SIM1: variants seen among roughly 807,000 people sequenced by gnomAD.
SIM1 encodes the protein SIM bHLH transcription factor 1.
Under a neutral mutation model 78.2 loss-of-function variants are expected in SIM1, and 18 were observed. The observed-to-expected ratio is 0.23, with a 90% CI of 0.16 to 0.34. The LOEUF is 0.34. SIM1 is among the 10% of genes least tolerant of loss of function. SIM1 has a pLI of 1.00. For synonymous variants in SIM1, 417 were observed against 385.2 expected, an observed-to-expected ratio of 1.08 and a Z score of -0.97; for missense variants, 939 against 975.1, an observed-to-expected ratio of 0.96 and a Z score of 0.49.
intron 11 of SIM1, among the ~76,000 whole-genome samples, chr6:100,391,650 G>T (rs574102332): frequency 1.3e-5 from 2 of 152,058 alleles, no homozygotes; most frequent in Non-Finnish European, 2.9e-5. Context: ...TCTTAAGTAC[G>T]GTTACAATAA....
chr6:100,453,669 TG>T, intron 3 of SIM1, 92 bp downstream of exon 3: 3 of 957,074 alleles, frequency 3.1e-6, no homozygotes, highest in Non-Finnish European at 3.1e-6. Flanking sequence ...GTTTTTTTTT[TG>T]TTTTTGTTTT....
chr6:100,436,217 C>A (rs1032091321), intron 9 of SIM1, among the ~76,000 whole-genome samples: 8 of 152,140 alleles, frequency 5.3e-5, no homozygotes, highest in African/African-American at 1.9e-4. Flanking sequence ...TACCAGCAAG[C>A]CCACAGGGAA....
chr6:100,416,476 CTA>C (rs747636014), intron 10 of SIM1, among the ~76,000 whole-genome samples: 1 of 152,146 alleles, frequency 6.6e-6, no homozygotes. Flanking sequence ...AGACATTACC[CTA>C]TGAGTCCAAT....
intron 9 of SIM1, among the ~76,000 whole-genome samples, chr6:100,425,488 A>G (rs1193909649): frequency 1.3e-5 from 2 of 152,156 alleles, no homozygotes; most frequent in Non-Finnish European, 2.9e-5. Flanking sequence ...CAAAACTCCA[A>G]CAGCTCAAAA....
At chr6:100,454,472 C>T (rs1772595798) in intron 2 of SIM1, among the ~76,000 whole-genome samples, 1 of 152,190 alleles carries the variant, frequency 6.6e-6, no homozygotes, top group Admixed American at 6.5e-5. Context: ...TTCATTTCCC[C>T]TCCTAGCCCT....
chr6:100,408,256 A>G (rs1771099859), intron 10 of SIM1, among the ~76,000 whole-genome samples: 1 of 152,038 alleles, frequency 6.6e-6, no homozygotes, highest in African/African-American at 2.4e-5. Flanking sequence ...AGTTGATCAT[A>G]TATATGTGGG....
At chr6:100,402,041 T>C (rs771176863) in intron 10 of SIM1, among the ~76,000 whole-genome samples, 1 of 152,166 alleles carries the variant, frequency 6.6e-6, no homozygotes, top group Non-Finnish European at 1.5e-5. Context: ...ATTTGTAGAA[T>C]AGGAACAGAC....
rs1421452803 is a variant in SIM1, at chr6:100,450,696, T to TCTCTCA, written c.259-341_259-340insTGAGAG. On this transcript the variant is annotated intron_variant, in intron 3 of 11. Coordinates refer to ENST00000369208, the MANE Select transcript of SIM1 (RefSeq NM_005068.3). Reference sequence around the variant, plus strand: ...CTCTCTCTCTCTCTCTCTCTCTCTCTCACACACACACACACACACACACAC... The same window carrying TCTCTCA: ...CTCTCTCTCTCTCTCTCTCTCTCTCTCTCTCACACACACACACACACACACACACAC... 5.3e-3 allele frequency among the ~76,000 whole-genome samples: 483 copies of TCTCTCA among 91,914 alleles called. 1 individual carries two copies. The highest frequency in any genetic ancestry group is 5.9e-3 in the Non-Finnish European group (267 of 45,458). 60.3% of individuals were successfully genotyped at this position (91,914 alleles called of 152,430 possible). A position where few individuals can be genotyped will look rare whatever the true frequency, so the allele number is the denominator to read the frequency against.
At chr6:100,419,357 T>C (rs1337176373) in intron 10 of SIM1, among the ~76,000 whole-genome samples, 1 of 152,096 alleles carries the variant, frequency 6.6e-6, no homozygotes, top group Non-Finnish European at 1.5e-5. Flanking sequence ...GTGACATAAG[T>C]CTCTTAGAGG....
intron 9 of SIM1, among the ~76,000 whole-genome samples, chr6:100,422,836 G>C (rs1771631164): frequency 6.6e-6 from 1 of 152,020 alleles, no homozygotes; most frequent in Non-Finnish European, 1.5e-5. Context: ...ATTTAAAATG[G>C]ACAAAATATA....
At chr6:100,409,675 A>G (rs2114486420) in intron 10 of SIM1, among the ~76,000 whole-genome samples, 1 of 152,172 alleles carries the variant, frequency 6.6e-6, no homozygotes, top group South Asian at 2.1e-4. Flanking sequence ...GTGTTTATAC[A>G]CTTTCCTATT....
At chr6:100,447,214 C>G in intron 9 of SIM1, 54 bp downstream of exon 9, 2 of 1,580,684 alleles carry the variant, frequency 1.3e-6, no homozygotes, top group Non-Finnish European at 1.7e-6. Context: ...CCCGCACTCT[C>G]GCAGAGAGCA....
intron 6 of SIM1, among the ~76,000 whole-genome samples, chr6:100,448,945 C>T (rs977304135): frequency 1.3e-5 from 2 of 152,150 alleles, no homozygotes; most frequent in African/African-American, 4.8e-5. Context: ...GAAGTAGGTC[C>T]CTGAAACCTG....
Position 100,463,611 on chromosome 6 carries a change from A to G in SIM1, c.-143T>C. The G allele has an allele frequency of 1.3e-6, 1 of 762,134 alleles. No individual in the cohort carries two copies. Among genetic ancestry groups the G allele is most frequent in the East Asian group, 2.5e-5 (1 of 40,174 alleles). 47.2% of individuals were successfully genotyped at this position (762,134 alleles called of 1,614,324 possible). Reference sequence around the variant, plus strand: ...AGAGGCTGAAGTATTTGCACCAAGAACAGTGTATTGATGGCAGTAAAAGAC... The same window carrying G: ...AGAGGCTGAAGTATTTGCACCAAGAGCAGTGTATTGATGGCAGTAAAAGAC... On this transcript the variant is annotated 5_prime_UTR_variant, in exon 2 of 12. Transcript: ENST00000369208.
At chr6:100,404,595 TC>T (rs1771007841) in intron 10 of SIM1, among the ~76,000 whole-genome samples, 1 of 152,194 alleles carries the variant, frequency 6.6e-6, no homozygotes, top group South Asian at 2.1e-4. Context: ...TTCTTTTTTT[TC>T]ATTCACTGTT....
At chr6:100,417,590 T>A (rs1170606536) in intron 10 of SIM1, among the ~76,000 whole-genome samples, 7 of 152,118 alleles carry the variant, frequency 4.6e-5, no homozygotes, top group Admixed American at 3.9e-4. Context: ...TTAAAAAAAA[T>A]TTTGAGAATT....
intron 10 of SIM1, among the ~76,000 whole-genome samples, chr6:100,407,965 G>T (rs1771092805): frequency 6.6e-6 from 1 of 151,950 alleles, no homozygotes; most frequent in African/African-American, 2.4e-5. Flanking sequence ...ATTTTGCTAT[G>T]CAGAAGCTTT....
rs568812832 is a variant in SIM1 at position 100,449,736 on chromosome 6, G to A, written c.349-37C>T. ...AGGATGTCGCCGTCGCCGTGGCGGT[G>A]GAATGCCCGGTGAAGGGACTGAAAG... On this transcript the variant is annotated intron_variant, in intron 4 of 11. Transcript: ENST00000369208. 234 of 1,537,054 alleles carry A rather than the reference G, an allele frequency of 1.5e-4. 1 individual carries two copies. The Admixed American group carries it at 3.9e-3, about 25-fold the overall frequency.
intron 2 of SIM1, among the ~76,000 whole-genome samples, chr6:100,462,363 A>C (rs1772877454): frequency 6.6e-6 from 1 of 152,232 alleles, no homozygotes; most frequent in Middle Eastern, 3.2e-3. Context: ...ATCTGTTTGC[A>C]TTATTTGAAT....
Sources: allele counts gnomAD v4.1 joint callset (sites outside exome capture counted in the v4.1 genomes callset), GRCh38; gene constraint gnomAD v4.1.1; transcripts MANE v1.5; gene names NCBI Gene and HGNC (gene_info 2026-07-23, HGNC 2026-07-21).